Variants in MAMLD1 observed in about 807,000 individuals in gnomAD.
MAMLD1 encodes the protein mastermind like domain containing 1.
In MAMLD1, 14 loss-of-function variants were observed where a neutral mutation model predicts 45.0. The ratio of observed to expected loss-of-function variants is 0.31; its 90% CI spans 0.21 to 0.49. MAMLD1 has a LOEUF of 0.49. Among genes scored for constraint, MAMLD1 ranks in the 20% least tolerant of loss-of-function variants. MAMLD1 has a pLI of 0.99. For missense variants in MAMLD1, 543 were observed against 603.6 expected (o/e 0.90, Z 1.05); for synonymous variants, 254 against 247.8 (o/e 1.02, Z -0.24).
intron 1 of MAMLD1, among the ~76,000 whole-genome samples, chrX:150,401,811 G>C (rs1215810765): frequency 9.0e-6 from 1 of 110,919 alleles, no homozygotes; most frequent in Non-Finnish European, 1.9e-5. Flanking sequence ...AGAAAAACAA[G>C]CAATGGGGAA....
intron 1 of MAMLD1, among the ~76,000 whole-genome samples, chrX:150,432,085 G>T (rs372385043): frequency 1.1e-5 from 1 of 87,248 alleles, no homozygotes. Flanking sequence ...CACAACCTCT[G>T]TTTTTTTTTT....
At chrX:150,445,641 G>T (rs782474376) in intron 2 of MAMLD1, 29 bp downstream of exon 2, 1 of 1,034,966 alleles carries the variant, frequency 9.7e-7, no homozygotes. Context: ...GGGGGAGGGG[G>T]GTATTTAATG....
chrX:150,426,042 A>C (rs781797019), intron 1 of MAMLD1, among the ~76,000 whole-genome samples: 1 of 111,311 alleles, frequency 9.0e-6, no homozygotes, highest in South Asian at 3.8e-4. Context: ...TTTCTGTTTC[A>C]GGTCCTGCTT....
chrX:150,512,251 C>A lies in MAMLD1; in HGVS notation c.*292C>A. 9.0e-7 allele frequency: 1 copy of A among 1,115,302 alleles called. No individual in the cohort carries two copies. Among genetic ancestry groups the A allele is most frequent in the Non-Finnish European group, 1.2e-6 (1 of 849,945 alleles). 91.9% of individuals were successfully genotyped at this position (1,115,302 alleles called of 1,213,427 possible). ...CACACTCAGGCCAGACTCCCCTGGGCAGACTTGACTCTGTCTGCCAGCATA... is the reference window on the plus strand; with the variant it reads ...CACACTCAGGCCAGACTCCCCTGGGAAGACTTGACTCTGTCTGCCAGCATA... On this transcript the variant is annotated 3_prime_UTR_variant, in exon 8 of 8. Transcript: ENST00000370401.
At chrX:150,504,724 A>C in intron 6 of MAMLD1, 7 of 752,232 alleles carry the variant, frequency 9.3e-6, no homozygotes, top group Non-Finnish European at 1.1e-5. Context: ...TCCCTCACCT[A>C]TTCTCTCTCT....
At chrX:150,464,899 A>G (rs1172091184) in intron 3 of MAMLD1, among the ~76,000 whole-genome samples, 3 of 112,368 alleles carry the variant, frequency 2.7e-5, no homozygotes, top group Non-Finnish European at 5.6e-5. Flanking sequence ...GGAAGAGACT[A>G]GGAGAACTGG....
chrX:150,371,735 T>A (rs1171353439), intron 1 of MAMLD1, among the ~76,000 whole-genome samples: 1 of 112,028 alleles, frequency 8.9e-6, no homozygotes. Flanking sequence ...CAGCGTGCTG[T>A]GACAGAGTGG....
intron 5 of MAMLD1, among the ~76,000 whole-genome samples, chrX:150,490,664 A>G (rs1469550772): frequency 8.9e-6 from 1 of 112,226 alleles, no homozygotes; most frequent in Non-Finnish European, 1.9e-5. Context: ...ATCAGAGGAC[A>G]TGAATACTGA....
intron 1 of MAMLD1, among the ~76,000 whole-genome samples, chrX:150,385,381 T>C (rs782810726): frequency 9.0e-6 from 1 of 110,896 alleles, no homozygotes; most frequent in South Asian, 3.9e-4. Context: ...AATCCACTTA[T>C]AACTTTTGAC....
At chrX:150,506,746 T>C (rs2037741404) in intron 6 of MAMLD1, among the ~76,000 whole-genome samples, 1 of 112,473 alleles carries the variant, frequency 8.9e-6, no homozygotes, top group Non-Finnish European at 1.9e-5. Flanking sequence ...GACATTAGCA[T>C]GTGGTAGCTG....
intron 4 of MAMLD1, among the ~76,000 whole-genome samples, chrX:150,471,778 C>G (rs1557406585): frequency 8.9e-6 from 1 of 112,024 alleles, no homozygotes; most frequent in Non-Finnish European, 1.9e-5. Flanking sequence ...TGGGACAAGT[C>G]CGAATACAGA....
At chrX:150,425,365 C>A (rs2034667814) in intron 1 of MAMLD1, among the ~76,000 whole-genome samples, 1 of 112,476 alleles carries the variant, frequency 8.9e-6, no homozygotes, top group Non-Finnish European at 1.9e-5. Flanking sequence ...AATTTCTCCA[C>A]ATCACTTTGA....
At chrX:150,392,458 G>C (rs2033225197) in intron 1 of MAMLD1, among the ~76,000 whole-genome samples, 1 of 111,168 alleles carries the variant, frequency 9.0e-6, no homozygotes, top group Non-Finnish European at 1.9e-5. Flanking sequence ...AAGTCTGCCA[G>C]GTGGGAGTGG....
At chrX:150,503,182 A>G in intron 5 of MAMLD1, 92 bp from the exon 6 acceptor site, 1 of 815,609 alleles carries the variant, frequency 1.2e-6, no homozygotes, top group Non-Finnish European at 1.9e-6. Flanking sequence ...CAACACCCAG[A>G]TGACCCAGCT....
Position 150,470,227 on chromosome X carries a change from C to G in MAMLD1, c.654C>G (p.Ser218Arg). 1 of 1,210,305 alleles carries G rather than the reference C, an allele frequency of 8.3e-7. No homozygotes were observed. The highest frequency in any genetic ancestry group is 3.0e-5 in the East Asian group (1 of 33,739). Residue 218 changes from serine to arginine, a missense_variant, in exon 4 of 8, where the codon AGC (serine) becomes AGG (arginine). Physicochemically the swap from Ser to Arg is moderately radical, Grantham distance 110. Coordinates refer to ENST00000370401, the MANE Select transcript of MAMLD1 (RefSeq NM_005491.5). Reference protein sequence around the residue: ...LVLDHPQATLSTTPKPSVQMS... With the variant: ...LVLDHPQATLRTTPKPSVQMS... ...TAGATCATCCCCAGGCAACCCTAAG[C>G]ACAACTCCCAAGCCTTCGGTTCAGA...
chrX:150,445,693 T>G, intron 2 of MAMLD1, 81 bp downstream of exon 2: 1 of 765,065 alleles, frequency 1.3e-6, no homozygotes, highest in Admixed American at 2.6e-5. Context: ...TTATTGAAAT[T>G]TTCTGTGCAA....
intron 5 of MAMLD1, among the ~76,000 whole-genome samples, chrX:150,496,686 C>T (rs2037388429): frequency 8.9e-6 from 1 of 112,036 alleles, no homozygotes; most frequent in Admixed American, 9.5e-5. Flanking sequence ...CCCTGATGCT[C>T]CCCCAAGTAG....
At chrX:150,502,002 C>T (rs782500627) in intron 5 of MAMLD1, among the ~76,000 whole-genome samples, 1 of 112,056 alleles carries the variant, frequency 8.9e-6, no homozygotes, top group African/African-American at 3.2e-5. Context: ...AAAATAAGGG[C>T]AATAATAGTC....
At chrX:150,478,227 G>A (rs2036643097) in intron 5 of MAMLD1, among the ~76,000 whole-genome samples, 1 of 112,465 alleles carries the variant, frequency 8.9e-6, no homozygotes, top group Non-Finnish European at 1.9e-5. Context: ...GAGAATTTCC[G>A]ATTCTGATCA....
Sources: gnomAD v4.1 joint callset for allele counts (sites outside exome capture counted in the v4.1 genomes callset) on GRCh38, gnomAD v4.1.1 for gene constraint, MANE v1.5 for transcripts, NCBI Gene and HGNC (gene_info 2026-07-23, HGNC 2026-07-21) for gene names.